Variants in CSMD1 observed in about 807,000 individuals in gnomAD.
CSMD1 encodes CUB and Sushi multiple domains 1, also known as CUB and sushi domain-containing protein 1.
CSMD1 carries 213 observed loss-of-function variants against 417.5 expected under a neutral mutation model. That is an observed-to-expected ratio of 0.51 (90% CI 0.46 to 0.57). The LOEUF (loss-of-function observed/expected upper bound fraction) is 0.57. Ranked by LOEUF, CSMD1 falls within the 20% of genes least tolerant of loss-of-function variation. The pLI is 0.00. For missense variants in CSMD1, 6,923 were observed against 4,529.7 expected (o/e 1.53, Z -15.17); for synonymous variants, 2,862 against 1,736.8 (o/e 1.65, Z -16.11).
At chr8:4,214,323 G>C (rs146904440) in intron 3 of CSMD1, among the ~76,000 whole-genome samples, 1 of 152,218 alleles carries the variant, frequency 6.6e-6, no homozygotes, top group East Asian at 1.9e-4. Context: ...TTTGAGAAAA[G>C]GTCTCACTCT....
chr8:3,456,855 C>G (rs1053099703), intron 12 of CSMD1, among the ~76,000 whole-genome samples: 1 of 152,066 alleles, frequency 6.6e-6, no homozygotes, highest in African/African-American at 2.4e-5. Flanking sequence ...GAAACCCGAG[C>G]CCAGGTCTCT....
At chr8:3,078,981 C>G (rs998475103) in intron 49 of CSMD1, among the ~76,000 whole-genome samples, 1 of 152,270 alleles carries the variant, frequency 6.6e-6, no homozygotes, top group East Asian at 1.9e-4. Context: ...GGGGGAGCAC[C>G]TTTATGCCCA....
chr8:4,033,130 GAAAAAAA>G (rs58668077), intron 3 of CSMD1, among the ~76,000 whole-genome samples: 23 of 80,654 alleles, frequency 2.9e-4, no homozygotes, highest in South Asian at 2.2e-3. Context: ...TTTCCAATAT[GAAAAAAA>G]AAAAAAAAAA....
chr8:3,844,968 GAT>G (rs1803401973), intron 5 of CSMD1, among the ~76,000 whole-genome samples: 1 of 152,134 alleles, frequency 6.6e-6, no homozygotes, highest in Non-Finnish European at 1.5e-5. Flanking sequence ...AGATTTTAAA[GAT>G]GTGATATGCA....
chr8:4,439,102 C>T (rs1585075998), intron 2 of CSMD1, among the ~76,000 whole-genome samples: 1 of 152,194 alleles, frequency 6.6e-6, no homozygotes, highest in Non-Finnish European at 1.5e-5. Context: ...ATATGGTTCA[C>T]ACTAATCAAT....
intron 3 of CSMD1, among the ~76,000 whole-genome samples, chr8:4,198,305 G>A (rs1799454330): frequency 6.6e-6 from 1 of 152,230 alleles, no homozygotes; most frequent in Non-Finnish European, 1.5e-5. Context: ...TGGCAGCAGG[G>A]GCTGGCAAGC....
chr8:4,192,760 C>G (rs7000313), intron 3 of CSMD1, among the ~76,000 whole-genome samples: 4,289 of 152,300 alleles, frequency 0.028, 220 homozygotes, highest in African/African-American at 0.097. Context: ...TCTATCATTT[C>G]CATTTTCAAG....
At chr8:4,277,671 T>G (rs540081539) in intron 3 of CSMD1, among the ~76,000 whole-genome samples, 3 of 152,310 alleles carry the variant, frequency 2.0e-5, no homozygotes, top group African/African-American at 7.2e-5. Flanking sequence ...TGTACTGATT[T>G]AAACACAAGC....
chr8:3,850,005 A>ACG (rs1343205129), intron 5 of CSMD1, among the ~76,000 whole-genome samples: 3 of 130,112 alleles, frequency 2.3e-5, no homozygotes, highest in African/African-American at 1.1e-4. Context: ...TAGTTTCACG[A>ACG]TGTTGGTCTC....
chr8:4,194,338 A>G (rs899996247), intron 3 of CSMD1, among the ~76,000 whole-genome samples: 2 of 152,148 alleles, frequency 1.3e-5, no homozygotes, highest in African/African-American at 4.8e-5. Context: ...GCTTCAGGAG[A>G]AAACCACAGA....
chr8:4,267,629 A>C (rs1230482294), intron 3 of CSMD1, among the ~76,000 whole-genome samples: 1 of 149,874 alleles, frequency 6.7e-6, no homozygotes, highest in Admixed American at 6.6e-5. Flanking sequence ...TTAAATATTA[A>C]TAATTAAATA....
intron 2 of CSMD1, among the ~76,000 whole-genome samples, chr8:4,603,381 C>T (rs943569544): frequency 4.0e-5 from 6 of 151,898 alleles, no homozygotes; most frequent in Non-Finnish European, 7.4e-5. Flanking sequence ...ATATATTAAA[C>T]CCACTTAAAA....
intron 10 of CSMD1, among the ~76,000 whole-genome samples, chr8:3,522,895 T>A (rs1348676001): frequency 1.3e-5 from 2 of 149,912 alleles, no homozygotes; most frequent in Non-Finnish European, 3.0e-5. Context: ...CCTTTCAATA[T>A]ATTTATATAT....
intron 2 of CSMD1, among the ~76,000 whole-genome samples, chr8:4,597,255 T>C (rs1290206937): frequency 6.6e-6 from 1 of 152,202 alleles, no homozygotes; most frequent in Non-Finnish European, 1.5e-5. Flanking sequence ...TATTATCCCA[T>C]GCCTTTGATT....
chr8:4,363,221 G>A (rs529553236), intron 3 of CSMD1, among the ~76,000 whole-genome samples: 2 of 152,162 alleles, frequency 1.3e-5, no homozygotes, highest in Non-Finnish European at 2.9e-5. Context: ...CTTCCATGAT[G>A]ACCAAGGTCA....
intron 2 of CSMD1, among the ~76,000 whole-genome samples, chr8:4,579,087 G>A (rs1051116592): frequency 6.6e-6 from 1 of 151,842 alleles, no homozygotes; most frequent in African/African-American, 2.4e-5. Context: ...CATTTATACA[G>A]TTTATAAAGA....
chr8:4,266,092 C>G (rs1289405641), intron 3 of CSMD1, among the ~76,000 whole-genome samples: 2 of 103,296 alleles, frequency 1.9e-5, no homozygotes, highest in East Asian at 5.2e-4. Context: ...ACTCACCAGG[C>G]ATATTAGCTG....
At chr8:3,014,061 G>A (rs1277933929) in intron 52 of CSMD1, among the ~76,000 whole-genome samples, 1 of 151,994 alleles carries the variant, frequency 6.6e-6, no homozygotes, top group Non-Finnish European at 1.5e-5. Context: ...TTTCTACTCT[G>A]AGAAAAATTT....
chr8:4,272,030 T>A (rs571711405), intron 3 of CSMD1, among the ~76,000 whole-genome samples: 1 of 152,254 alleles, frequency 6.6e-6, no homozygotes, highest in South Asian at 2.1e-4. Context: ...CATGTTTGGT[T>A]GAAAAAAATT....
Sources: gnomAD v4.1 joint callset for allele counts (sites outside exome capture counted in the v4.1 genomes callset) on GRCh38, gnomAD v4.1.1 for gene constraint, MANE v1.5 for transcripts, NCBI Gene and HGNC (gene_info 2026-07-23, HGNC 2026-07-21) for gene names.